NALF1: variants seen among roughly 807,000 people sequenced by gnomAD.
The protein encoded by NALF1 is family with sequence similarity 155 member A.
NALF1 carries 3 observed loss-of-function variants against 48.4 expected under a neutral mutation model. The ratio of observed to expected loss-of-function variants is 0.06; its 90% CI spans 0.03 to 0.16. The LOEUF (loss-of-function observed/expected upper bound fraction) is 0.16, where lower values mean the gene tolerates loss of function less well. Among genes scored for constraint, NALF1 ranks in the 10% least tolerant of loss-of-function variants. NALF1 has a pLI of 1.00. For missense variants in NALF1, 526 were observed against 571.5 expected (o/e 0.92, Z 0.81); for synonymous variants, 262 against 245.7 (o/e 1.07, Z -0.62).
At chr13:107,566,152 C>A (rs368331942) in intron 1 of NALF1, among the ~76,000 whole-genome samples, 2 of 152,136 alleles carry the variant, frequency 1.3e-5, no homozygotes, top group South Asian at 4.1e-4. Flanking sequence ...CAAAAACATT[C>A]ATCCACAATG....
At chr13:107,578,638 G>C (rs138539282) in intron 1 of NALF1, among the ~76,000 whole-genome samples, 1 of 151,984 alleles carries the variant, frequency 6.6e-6, no homozygotes, top group African/African-American at 2.4e-5. Flanking sequence ...CTATCAACTA[G>C]ATTGTTGTAT....
chr13:107,393,160 T>C (rs1440427192), intron 1 of NALF1, among the ~76,000 whole-genome samples: 1 of 152,120 alleles, frequency 6.6e-6, no homozygotes, highest in East Asian at 1.9e-4. Flanking sequence ...AATAATCTAT[T>C]AACGGGATTT....
At chr13:107,702,950 T>C (rs1326750146) in intron 1 of NALF1, among the ~76,000 whole-genome samples, 5 of 152,230 alleles carry the variant, frequency 3.3e-5, no homozygotes, top group Non-Finnish European at 7.3e-5. Flanking sequence ...CTGCCATTCA[T>C]GGGCATTTAG....
chr13:107,811,035 T>C lies in NALF1; in HGVS notation c.915+54647A>G, dbSNP rs1401603178. Among the ~76,000 whole-genome samples the C allele has an allele frequency of 6.6e-5, 10 of 152,290 alleles. 1 individual carries two copies. The South Asian group carries it at 1.9e-3, about 28-fold the overall frequency. Reference sequence around the variant, plus strand: ...CTAATATATCAATAACGCACAATTATATCCTGTGATGTACTGTGACACACT... The same window carrying C: ...CTAATATATCAATAACGCACAATTACATCCTGTGATGTACTGTGACACACT... On this transcript the variant is annotated intron_variant, in intron 1 of 2. Transcript: ENST00000375915.
At chr13:107,486,747 C>G (rs562880655) in intron 1 of NALF1, among the ~76,000 whole-genome samples, 6 of 152,220 alleles carry the variant, frequency 3.9e-5, no homozygotes, top group African/African-American at 1.4e-4. Context: ...TGAGTGTGGC[C>G]TCTCTTTGCT....
At chr13:107,478,452 T>C (rs1013287714) in intron 1 of NALF1, among the ~76,000 whole-genome samples, 1 of 152,048 alleles carries the variant, frequency 6.6e-6, no homozygotes, top group Non-Finnish European at 1.5e-5. Context: ...AAATATAACA[T>C]ATCAAACAAG....
intron 1 of NALF1, among the ~76,000 whole-genome samples, chr13:107,494,014 T>C (rs1875239636): frequency 6.6e-6 from 1 of 152,154 alleles, no homozygotes; most frequent in Non-Finnish European, 1.5e-5. Context: ...TGGTTGTCTA[T>C]ACATAGGTCT....
intron 1 of NALF1, among the ~76,000 whole-genome samples, chr13:107,742,992 G>T (rs1227916364): frequency 6.6e-6 from 1 of 152,230 alleles, no homozygotes; most frequent in Non-Finnish European, 1.5e-5. Flanking sequence ...GATTTCTCAA[G>T]CACACCAAGT....
At chr13:107,358,568 AC>A (rs760107606) in intron 1 of NALF1, among the ~76,000 whole-genome samples, 7 of 152,170 alleles carry the variant, frequency 4.6e-5, no homozygotes, top group Non-Finnish European at 5.9e-5. Flanking sequence ...ATTGTGTAAG[AC>A]GGGTTAAAGA....
At chr13:107,253,063 TATTAGTGA>T (rs1054282053) in intron 1 of NALF1, among the ~76,000 whole-genome samples, 57 of 152,150 alleles carry the variant, frequency 3.7e-4, no homozygotes, top group Non-Finnish European at 4.4e-4. Context: ...TTCTGTAAAA[TATTAGTGA>T]GTATGAAATG....
intron 1 of NALF1, among the ~76,000 whole-genome samples, chr13:107,598,536 A>T (rs941989499): frequency 1.9e-4 from 29 of 152,298 alleles, no homozygotes; most frequent in African/African-American, 6.7e-4. Context: ...ATCAAATTTA[A>T]TGTGTCTAAA....
chr13:107,743,146 C>T (rs1366367271), intron 1 of NALF1, among the ~76,000 whole-genome samples: 1 of 152,186 alleles, frequency 6.6e-6, no homozygotes, highest in Non-Finnish European at 1.5e-5. Flanking sequence ...CCAACTTCTT[C>T]CCTAGCTGGG....
intron 1 of NALF1, among the ~76,000 whole-genome samples, chr13:107,399,372 A>C (rs189053547): frequency 6.6e-6 from 1 of 152,310 alleles, no homozygotes; most frequent in East Asian, 1.9e-4. Context: ...ATAGAGTAAA[A>C]TGATCAACAT....
chr13:107,570,832 T>C (rs1352810305), intron 1 of NALF1, among the ~76,000 whole-genome samples: 1 of 152,014 alleles, frequency 6.6e-6, no homozygotes, highest in Non-Finnish European at 1.5e-5. Context: ...TTATTTTAAA[T>C]GAATATAAAC....
chr13:107,578,406 ATAGAG>A (rs1878213493), intron 1 of NALF1, among the ~76,000 whole-genome samples: 1 of 152,174 alleles, frequency 6.6e-6, no homozygotes, highest in Non-Finnish European at 1.5e-5. Context: ...CAACATTCTA[ATAGAG>A]TAATTTTTCA....
intron 1 of NALF1, among the ~76,000 whole-genome samples, chr13:107,222,468 AT>A (rs1435266080): frequency 6.6e-6 from 1 of 152,216 alleles, no homozygotes; most frequent in Non-Finnish European, 1.5e-5. Context: ...AGCACAAGTG[AT>A]TGCAAAGGTT....
intron 1 of NALF1, among the ~76,000 whole-genome samples, chr13:107,621,600 G>A (rs1879518972): frequency 6.6e-6 from 1 of 152,174 alleles, no homozygotes; most frequent in Non-Finnish European, 1.5e-5. Flanking sequence ...CTCTACTATA[G>A]GTGTTATTAC....
At chr13:107,233,452 G>A (rs1021474267) in intron 1 of NALF1, among the ~76,000 whole-genome samples, 1 of 152,174 alleles carries the variant, frequency 6.6e-6, no homozygotes, top group Non-Finnish European at 1.5e-5. Flanking sequence ...TTAGTAGAAT[G>A]TATGAAGGTA....
At chr13:107,438,327 T>C (rs192762352) in intron 1 of NALF1, among the ~76,000 whole-genome samples, 2 of 152,302 alleles carry the variant, frequency 1.3e-5, no homozygotes, top group Admixed American at 1.3e-4. Context: ...TATTTAAAAG[T>C]TTATCTGATC....
Sources: gnomAD v4.1 joint callset for allele counts (sites outside exome capture counted in the v4.1 genomes callset) on GRCh38, gnomAD v4.1.1 for gene constraint, MANE v1.5 for transcripts, NCBI Gene and HGNC (gene_info 2026-07-23, HGNC 2026-07-21) for gene names.